SYPL1: variants seen among roughly 807,000 people sequenced by gnomAD.
SYPL1 encodes synaptophysin-like protein 1.
SYPL1 carries 6 observed loss-of-function variants against 23.7 expected under a neutral mutation model. The observed-to-expected ratio is 0.25, with a 90% CI of 0.14 to 0.50. The LOEUF is 0.50. SYPL1 is among the 20% of genes least tolerant of loss of function. SYPL1 has a pLI of 0.98. For synonymous variants in SYPL1, 102 were observed against 104.5 expected (o/e 0.98, Z 0.15); for missense variants, 253 against 288.9 (o/e 0.88, Z 0.90).
At chr7:106,112,565 C>A, upstream of SYPL1, 3 of 1,490,726 alleles carry the variant, frequency 2.0e-6, no homozygotes, top group Admixed American at 4.8e-5. Context: ...TGCGGTTCAG[C>A]CCCTGGCACT....
intron 1 of SYPL1, among the ~76,000 whole-genome samples, chr7:106,103,733 G>A: frequency 6.6e-6 from 1 of 152,118 alleles, no homozygotes; most frequent in East Asian, 1.9e-4. Flanking sequence ...ATTTTAGTGT[G>A]GTTAATAGAA....
In SYPL1 at chr7:106,091,742, C is replaced by A. The variant is rs1839738450; in HGVS notation, c.*63G>T. Reference sequence around the variant, plus strand: ...TTTATTAGAAACAAATAATGCTTCTCAAGGTGTTGGCAACATGTCATAGTA... The same window carrying A: ...TTTATTAGAAACAAATAATGCTTCTAAAGGTGTTGGCAACATGTCATAGTA... On this transcript the variant is annotated 3_prime_UTR_variant, in exon 5 of 5. Coordinates refer to ENST00000455385, the MANE Select transcript of SYPL1 (RefSeq NM_182715.4). This position sits in a 1 kb window ranked among gnomAD's most constrained non-coding sequence, Gnocchi z 5.0. The A allele has an allele frequency of 9.3e-6, 14 of 1,513,446 alleles. No homozygotes were observed. The South Asian group carries it at 1.8e-4, about 20-fold the overall frequency. The allele number at this position is 1,513,446 out of a possible 1,614,324, so 93.8% of individuals were successfully genotyped here. A position where few individuals can be genotyped will look rare whatever the true frequency, so the allele number is the denominator to read the frequency against.
In SYPL1 at chr7:106,097,973, C is replaced by G. The variant is rs1840114734; in HGVS notation, c.195-76G>C. The G allele has an allele frequency of 1.6e-6, 2 of 1,227,764 alleles. No individual in the cohort carries two copies. Among genetic ancestry groups the G allele is most frequent in the African/African-American group, 1.5e-5 (1 of 66,062 alleles). 76.1% of individuals were successfully genotyped at this position (1,227,764 alleles called of 1,614,324 possible). Reference sequence around the variant, plus strand: ...CATTTAAGCAAAACAATGAGTGACACTTCAAAAAATACTCCCCAAATATAT... The same window carrying G: ...CATTTAAGCAAAACAATGAGTGACAGTTCAAAAAATACTCCCCAAATATAT... On this transcript the variant is annotated intron_variant, in intron 2 of 4. Coordinates refer to ENST00000455385, the MANE Select transcript of SYPL1 (RefSeq NM_182715.4). This position sits in a 1 kb window ranked among gnomAD's most constrained non-coding sequence, Gnocchi z 4.6.
upstream of SYPL1, chr7:106,112,371 G>T: frequency 7.8e-7 from 1 of 1,288,958 alleles, no homozygotes; most frequent in Non-Finnish European, 9.8e-7. Flanking sequence ...GCGGAGCGGC[G>T]GCGGTTGAGC....
rs879337929 is a variant in SYPL1 at position 106,096,188 on chromosome 7, TAAC to T, written c.402+1499_402+1501del. 22 of 152,326 alleles carry T rather than the reference TAAC, an allele frequency of 1.4e-4. No individual in the cohort carries two copies. The highest frequency in any genetic ancestry group is 2.8e-4 in the Non-Finnish European group (19 of 68,016). 9.4% of individuals were successfully genotyped at this position (152,326 alleles called of 1,614,324 possible). ...TAAAACAGTTGACGTCTTATCTTTT[TAAC>T]AACCGAGAAGTATTTTATGAAAACC... On this transcript the variant is annotated intron_variant, in intron 3 of 4. Coordinates refer to ENST00000455385, the MANE Select transcript of SYPL1 (RefSeq NM_182715.4). The surrounding 1 kb of genome is among the most constrained non-coding windows in gnomAD (Gnocchi z 4.4).
At chr7:106,108,319 C>G (rs193236216) in intron 1 of SYPL1, among the ~76,000 whole-genome samples, 1 of 152,062 alleles carries the variant, frequency 6.6e-6, no homozygotes, top group Non-Finnish European at 1.5e-5. Context: ...TTGAAGTAAG[C>G]CTGTCACTCT....
rs1236011915 is a variant in SYPL1 at position 106,100,966 on chromosome 7, G to C, written c.70-1684C>G. 6.6e-6 allele frequency among the ~76,000 whole-genome samples: 1 copy of C among 152,122 alleles called. No homozygotes were observed. The highest frequency in any genetic ancestry group is 1.9e-4 in the East Asian group (1 of 5,188). ...TGTATACACAAACTGCTTTCCATGC[G>C]ATACCTTTAATGACACGGGATAAAC... On this transcript the variant is annotated intron_variant, in intron 1 of 4. Coordinates refer to ENST00000455385, the MANE Select transcript of SYPL1 (RefSeq NM_182715.4). The surrounding 1 kb of genome is among the most constrained non-coding windows in gnomAD (Gnocchi z 5.1).
chr7:106,103,945 T>C (rs1840455046), intron 1 of SYPL1, among the ~76,000 whole-genome samples: 2 of 152,244 alleles, frequency 1.3e-5, no homozygotes, highest in African/African-American at 4.8e-5. Context: ...ATAAAAGGCA[T>C]GGCTGATCGA....
intron 1 of SYPL1, among the ~76,000 whole-genome samples, chr7:106,102,738 A>G (rs896382205): frequency 6.6e-6 from 1 of 152,224 alleles, no homozygotes; most frequent in Non-Finnish European, 1.5e-5. Context: ...ACTTAATAAA[A>G]GTCAACAGAC....
chr7:106,094,354 T>C (rs536615932), intron 3 of SYPL1, among the ~76,000 whole-genome samples: 3 of 152,234 alleles, frequency 2.0e-5, no homozygotes, highest in Non-Finnish European at 4.4e-5. Flanking sequence ...TTAGGAGATA[T>C]AGAAGCTATG....
Position 106,099,241 on chromosome 7 carries a change from C to T in SYPL1, c.111G>A (p.Lys37=). Residue 37 remains lysine, a synonymous_variant, in exon 2 of 5, where the codon AAG becomes AAA. Transcript: ENST00000455385. ...IFAFATCGGF[K]GQTEIQVNCP... ...AATTCACTTGAATTTCTGTTTGGCC[C>T]TTAAAACCTCCACAGGTGGCAAAAG... The T allele has an allele frequency of 6.2e-7, 1 of 1,613,906 alleles. No individual in the cohort carries two copies. Among genetic ancestry groups the T allele is most frequent in the Non-Finnish European group, 8.5e-7 (1 of 1,179,972 alleles).
At position 106,091,923 on chromosome 7, in the gene SYPL1, T is replaced by G. The variant is rs768203051; in HGVS notation, c.608A>C (p.Asn203Thr). The G allele has an allele frequency of 6.2e-7, 1 of 1,611,422 alleles. No individual in the cohort carries two copies. Among genetic ancestry groups the G allele is most frequent in the Non-Finnish European group, 8.5e-7 (1 of 1,179,134 alleles). The change falls in exon 5 of 5, where the codon AAT (asparagine) becomes ACT (threonine). Residue 203 changes from asparagine to threonine, a missense_variant. Physicochemically the swap from Asn to Thr is moderately conservative, Grantham distance 65. Transcript: ENST00000455385. The surrounding 1 kb of genome is among the most constrained non-coding windows in gnomAD (Gnocchi z 5.0). Reference protein sequence around the residue: ...LNVSVIFGFLNMILWGGNAWF... With the variant: ...LNVSVIFGFLTMILWGGNAWF... ...AGCATTTCCTCCCCAGAGTATCATA[T>G]TTAGAAAGCCAAATATCTATGAAAG...
rs1404096461 is a variant in SYPL1, at chr7:106,095,541, GT to G, written c.402+2148del. ...TTTTTGTATTTTTAGCAGAGATGGG[GT>G]TTCACCATGTTGGCCAGGCTGGTCT... is the stretch of plus-strand genomic sequence containing the variant. On this transcript the variant is annotated intron_variant, in intron 3 of 4. Transcript: ENST00000455385. This position sits in a 1 kb window ranked among gnomAD's most constrained non-coding sequence, Gnocchi z 4.3. 6.6e-6 allele frequency among the ~76,000 whole-genome samples: 1 copy of G among 151,980 alleles called. No homozygotes were observed. The highest frequency in any genetic ancestry group is 1.5e-5 in the Non-Finnish European group (1 of 68,008).
chr7:106,104,334 A>G lies in SYPL1; in HGVS notation c.70-5052T>C, dbSNP rs1349554154. 2.0e-5 allele frequency among the ~76,000 whole-genome samples: 3 copies of G among 152,252 alleles called. No individual in the cohort carries two copies. Among genetic ancestry groups the G allele is most frequent in the East Asian group, 1.9e-4 (1 of 5,208 alleles). On this transcript the variant is annotated intron_variant, in intron 1 of 4. Transcript: ENST00000455385. The surrounding 1 kb of genome is among the most constrained non-coding windows in gnomAD (Gnocchi z 4.1). ...CGTGGCAGGAGGATTGTTTGAGCCC[A>G]GAAGTTCAATACCAGCTTGGGCAAC...
At chr7:106,111,941 G>C in intron 1 of SYPL1, 199 bp downstream of exon 1, 1 of 560,008 alleles carries the variant, frequency 1.8e-6, no homozygotes, top group Non-Finnish European at 2.4e-6. Flanking sequence ...CTCGTGATTC[G>C]ACGCCCGCCG....
chr7:106,102,123 C>T (rs1206169383), intron 1 of SYPL1, among the ~76,000 whole-genome samples: 4 of 149,754 alleles, frequency 2.7e-5, no homozygotes, highest in Non-Finnish European at 4.4e-5. Context: ...GACACAGTCT[C>T]GCTCTGTCAC....
chr7:106,104,957 T>A lies in SYPL1; in HGVS notation c.70-5675A>T, dbSNP rs1271588663. Among the ~76,000 whole-genome samples the A allele has an allele frequency of 6.6e-6, 1 of 152,200 alleles. No individual in the cohort carries two copies. Among genetic ancestry groups the A allele is most frequent in the Non-Finnish European group, 1.5e-5 (1 of 68,032 alleles). On this transcript the variant is annotated intron_variant, in intron 1 of 4. Transcript: ENST00000455385. This position sits in a 1 kb window ranked among gnomAD's most constrained non-coding sequence, Gnocchi z 4.1. ...TGTTGTCATTGTTTTAATATCAGGG[T>A]ATTACACATAAAAATTTGGATTTCC...
rs1403852161 is a variant in SYPL1, at chr7:106,109,061, C to A, written c.69+3079G>T. Among the ~76,000 whole-genome samples, 1 of 152,118 alleles carries A rather than the reference C, an allele frequency of 6.6e-6. No homozygotes were observed. The highest frequency in any genetic ancestry group is 1.5e-5 in the Non-Finnish European group (1 of 68,022). Reference sequence around the variant, plus strand: ...CAAAAACAAAAAAGAACAAAAAACCCCCACCAGTTTTACTTAAGAATGTCT... The same window carrying A: ...CAAAAACAAAAAAGAACAAAAAACCACCACCAGTTTTACTTAAGAATGTCT... On this transcript the variant is annotated intron_variant, in intron 1 of 4. Coordinates refer to ENST00000455385, the MANE Select transcript of SYPL1 (RefSeq NM_182715.4). The surrounding 1 kb of genome is among the most constrained non-coding windows in gnomAD (Gnocchi z 4.3).
In SYPL1 at chr7:106,097,015, G is replaced by A. The variant is rs1171460007; in HGVS notation, c.402+675C>T. Among the ~76,000 whole-genome samples, 3 of 152,154 alleles carry A rather than the reference G, an allele frequency of 2.0e-5. No homozygotes were observed. Among genetic ancestry groups the A allele is most frequent in the Non-Finnish European group, 4.4e-5 (3 of 68,030 alleles). Reference sequence around the variant, plus strand: ...AGATCACTTGAGCCCAGGAGTTTGAGACCAGCCTGGGCAACATGGTAAAAC... The same window carrying A: ...AGATCACTTGAGCCCAGGAGTTTGAAACCAGCCTGGGCAACATGGTAAAAC... On this transcript the variant is annotated intron_variant, in intron 3 of 4. Coordinates refer to ENST00000455385, the MANE Select transcript of SYPL1 (RefSeq NM_182715.4). This position sits in a 1 kb window ranked among gnomAD's most constrained non-coding sequence, Gnocchi z 4.6.
Sources: gnomAD v4.1 joint callset for allele counts (sites outside exome capture counted in the v4.1 genomes callset) on GRCh38, gnomAD v4.1.1 for gene constraint, Gnocchi (gnomAD v3.1) non-coding constraint, MANE v1.5 for transcripts, NCBI Gene and HGNC (gene_info 2026-07-23, HGNC 2026-07-21) for gene names.